The following ABR variants were observed in gnomAD, a reference collection of about 807,000 sequenced individuals.
ABR encodes the protein ABR activator of RhoGEF and GTPase, also known as active breakpoint cluster region-related protein.
ABR carries 35 observed loss-of-function variants against 107.2 expected under a neutral mutation model. The ratio of observed to expected loss-of-function variants is 0.33; its 90% CI spans 0.25 to 0.43. ABR has a LOEUF of 0.43. ABR is among the 20% of genes least tolerant of loss of function. ABR has a pLI of 1.00. For missense variants in ABR, 815 were observed against 1,115.2 expected, an observed-to-expected ratio of 0.73 and a Z score of 3.83; for synonymous variants, 498 against 462.0, an observed-to-expected ratio of 1.08 and a Z score of -1.00.
exon 1 of ABR, among the ~76,000 whole-genome samples, chr17:1,229,704 T>C (rs2043301262): frequency 1.3e-5 from 2 of 151,934 alleles, no homozygotes; most frequent in Admixed American, 6.5e-5. Flanking sequence ...AGTGTCCCCT[T>C]CCGCCCTCGC....
intron 2 of ABR, among the ~76,000 whole-genome samples, chr17:1,119,904 A>G (rs1455703006): frequency 7.2e-6 from 1 of 139,510 alleles, no homozygotes; most frequent in Admixed American, 7.4e-5. Flanking sequence ...TATTATTAAG[A>G]GATGGAGTCT....
chr17:1,043,701 CG>C (rs770492361), intron 16 of ABR, among the ~76,000 whole-genome samples: 6 of 152,274 alleles, frequency 3.9e-5, no homozygotes, highest in Non-Finnish European at 5.9e-5. Flanking sequence ...GAATAAAGGC[CG>C]GACGCGGTGG....
At chr17:1,102,772 A>C (rs537726701) in intron 2 of ABR, among the ~76,000 whole-genome samples, 12 of 152,082 alleles carry the variant, frequency 7.9e-5, no homozygotes, top group Non-Finnish European at 1.5e-4. Context: ...GTGCAATGGC[A>C]TGATCTCAGC....
intron 1 of ABR, among the ~76,000 whole-genome samples, chr17:1,134,419 T>TA (rs2039972135): frequency 9.0e-6 from 1 of 111,628 alleles, no homozygotes; most frequent in African/African-American, 3.1e-5. Context: ...CTCAAAAAAA[T>TA]AAAAATTAAT....
At chr17:1,013,288 T>C (rs2070799958) in intron 16 of ABR, 124 bp from the exon 17 acceptor site, 2 of 949,986 alleles carry the variant, frequency 2.1e-6, no homozygotes, top group East Asian at 2.5e-5. Flanking sequence ...GCAGCTGGGA[T>C]AAGCTGATGT....
intron 16 of ABR, chr17:1,031,696 G>A (rs2072783239): frequency 1.8e-5 from 23 of 1,251,604 alleles, no homozygotes; most frequent in Non-Finnish European, 2.3e-5. Flanking sequence ...AGGGGTTCGC[G>A]CCCCGCCTTC....
At chr17:1,209,479 G>A (rs1188989514) in intron 1 of ABR, among the ~76,000 whole-genome samples, 1 of 152,132 alleles carries the variant, frequency 6.6e-6, no homozygotes, top group African/African-American at 2.4e-5. Context: ...GTTTTGCCAT[G>A]TTGGCCAGGC....
intron 1 of ABR, among the ~76,000 whole-genome samples, chr17:1,136,857 T>G (rs999799770): frequency 3.9e-5 from 6 of 152,192 alleles, no homozygotes; most frequent in African/African-American, 1.2e-4. Flanking sequence ...GCTGTTTCCC[T>G]TATCATTCTT....
rs1459895753 is a variant in ABR at position 1,092,960 on chromosome 17, C to T, written c.346-1110G>A. On this transcript the variant is annotated intron_variant, in intron 3 of 22. Coordinates refer to ENST00000302538, the MANE Select transcript of ABR (RefSeq NM_021962.5). This position sits in a 1 kb window ranked among gnomAD's most constrained non-coding sequence, Gnocchi z 4.6. ...TCAGCCTCCCAAGTAACAGGGACTA[C>T]AGGCGCCCGCCACCACGCCTGGCTA... Among the ~76,000 whole-genome samples the T allele has an allele frequency of 1.3e-5, 2 of 150,798 alleles. No homozygotes were observed. Among genetic ancestry groups the T allele is most frequent in the Non-Finnish European group, 1.5e-5 (1 of 67,694 alleles).
At chr17:1,061,895 G>T (rs1036067824) in intron 10 of ABR, among the ~76,000 whole-genome samples, 7 of 152,204 alleles carry the variant, frequency 4.6e-5, no homozygotes, top group Non-Finnish European at 1.0e-4. Flanking sequence ...TGGAACAGAA[G>T]AAAATAGCGC....
chr17:1,012,230 C>T, intron 18 of ABR: 2 of 691,976 alleles, frequency 2.9e-6, no homozygotes, highest in Middle Eastern at 2.3e-4. Flanking sequence ...GAAGGTAAGG[C>T]CGAGACTCTA....
At chr17:1,038,959 C>T (rs2073404915) in intron 16 of ABR, among the ~76,000 whole-genome samples, 4 of 152,344 alleles carry the variant, frequency 2.6e-5, no homozygotes, top group Admixed American at 6.5e-5. Context: ...TCTATGTCTG[C>T]GGCTTTCGCC....
At position 1,004,947 on chromosome 17, in the gene ABR, G is replaced by T; in HGVS notation, c.*1133C>A. 2 of 398,726 alleles carry T rather than the reference G, an allele frequency of 5.0e-6. No individual in the cohort carries two copies. Among genetic ancestry groups the T allele is most frequent in the South Asian group, 1.3e-4 (1 of 7,692 alleles). The allele number at this position is 398,726 out of a possible 1,614,324, so 24.7% of individuals were successfully genotyped here. A position where few individuals can be genotyped will look rare whatever the true frequency, so the allele number is the denominator to read the frequency against. On this transcript the variant is annotated 3_prime_UTR_variant, in exon 23 of 23. Transcript: ENST00000302538. ...AGTACCACGAGGTCCTGCGGTGCCA[G>T]GGAGCTCCTGGCTGCAGCCTACCTG...
chr17:1,078,783 C>A lies in ABR; in HGVS notation c.700+547G>T, dbSNP rs775828042. 1 of 1,534,038 alleles carries A rather than the reference C, an allele frequency of 6.5e-7. No individual in the cohort carries two copies. Among genetic ancestry groups the A allele is most frequent in the South Asian group, 1.2e-5 (1 of 83,994 alleles). On this transcript the variant is annotated intron_variant, in intron 6 of 22. Transcript: ENST00000302538. This position sits in a 1 kb window ranked among gnomAD's most constrained non-coding sequence, Gnocchi z 7.5. ...GCCGGCCCCCAGAGGTGGGAGGGTC[C>A]GCCACCTCCCACAGCGAGCACCTGG...
chr17:1,188,712 C>T (rs1398542867), upstream of ABR, among the ~76,000 whole-genome samples: 1 of 152,120 alleles, frequency 6.6e-6, no homozygotes, highest in African/African-American at 2.4e-5. Context: ...AACAGGATGG[C>T]GGATGGCGAG....
chr17:1,109,227 GC>G, intron 2 of ABR: 1 of 982,058 alleles, frequency 1.0e-6, no homozygotes, highest in Non-Finnish European at 1.4e-6. Flanking sequence ...ACCTAGTCCA[GC>G]CCGCTCCGCC....
intron 2 of ABR, among the ~76,000 whole-genome samples, chr17:1,124,059 A>T (rs1343743144): frequency 2.0e-5 from 3 of 152,178 alleles, no homozygotes; most frequent in East Asian, 3.9e-4. Flanking sequence ...CATGGCAGCA[A>T]TGTGGCTTCC....
chr17:1,108,054 T>C (rs2038377029), intron 2 of ABR, among the ~76,000 whole-genome samples: 2 of 152,168 alleles, frequency 1.3e-5, no homozygotes, highest in African/African-American at 4.8e-5. Flanking sequence ...GCCCCGCCGA[T>C]GGGCACTCGG....
At position 1,071,087 on chromosome 17, in the gene ABR, C is replaced by T. The variant is rs1459593103; in HGVS notation, c.895-997G>A. Among the ~76,000 whole-genome samples, 1 of 152,116 alleles carries T rather than the reference C, an allele frequency of 6.6e-6. No homozygotes were observed. The highest frequency in any genetic ancestry group is 2.4e-5 in the African/African-American group (1 of 41,408). ...ATGAGGCAGGAGAATTGCTTGAACC[C>T]AGAGGGTGGAGGCTGCAGTGGAGCT... On this transcript the variant is annotated intron_variant, in intron 8 of 22. Coordinates refer to ENST00000302538, the MANE Select transcript of ABR (RefSeq NM_021962.5). The surrounding 1 kb of genome is among the most constrained non-coding windows in gnomAD (Gnocchi z 5.1).
Sources: allele counts gnomAD v4.1 joint callset (sites outside exome capture counted in the v4.1 genomes callset), GRCh38; gene constraint gnomAD v4.1.1; non-coding constraint Gnocchi (gnomAD v3.1); transcripts MANE v1.5; gene names NCBI Gene and HGNC (gene_info 2026-07-23, HGNC 2026-07-21).